ATG4A: variants seen among roughly 807,000 people sequenced by gnomAD.
ATG4A encodes cysteine protease ATG4A.
In ATG4A, 22 loss-of-function variants were observed where a neutral mutation model predicts 38.4. The ratio of observed to expected loss-of-function variants is 0.57; its 90% CI spans 0.41 to 0.82. The LOEUF (loss-of-function observed/expected upper bound fraction) is 0.82. ATG4A is among the 40% of genes least tolerant of loss of function. ATG4A has a pLI of 0.00. For missense variants in ATG4A, 220 were observed against 290.0 expected, an observed-to-expected ratio of 0.76 and a Z score of 1.75; for synonymous variants, 86 against 100.7, an observed-to-expected ratio of 0.85 and a Z score of 0.88.
chrX:108,097,947 G>A (rs2031878387), intron 1 of ATG4A, among the ~76,000 whole-genome samples: 1 of 112,044 alleles, frequency 8.9e-6, no homozygotes, highest in African/African-American at 3.2e-5. Flanking sequence ...TTAATCTGTG[G>A]CTCTAATTTT....
intron 9 of ATG4A, among the ~76,000 whole-genome samples, chrX:108,149,287 A>G (rs568419905): frequency 8.9e-6 from 1 of 112,633 alleles, no homozygotes; most frequent in African/African-American, 3.2e-5. Flanking sequence ...TCAGGCCCGG[A>G]CAGTGAGGCT....
At chrX:108,118,406 G>C (rs184817152) in intron 1 of ATG4A, among the ~76,000 whole-genome samples, 2 of 111,005 alleles carry the variant, frequency 1.8e-5, no homozygotes, top group East Asian at 5.7e-4. Context: ...TTTGAATCTT[G>C]ATTATACTGC....
chrX:108,126,983 G>A (rs191829542), intron 2 of ATG4A: 3,701 of 261,110 alleles, frequency 0.014, 34 homozygotes, highest in South Asian at 0.031. Context: ...GTTAGGCATT[G>A]TGGAGCTCCT....
chrX:108,091,877 G>A (rs746999596), intron 1 of ATG4A, 41 bp downstream of exon 1: 5 of 1,207,615 alleles, frequency 4.1e-6, no homozygotes, highest in African/African-American at 3.5e-5. Flanking sequence ...TGAAAGAGCC[G>A]GGGTGGGTAG....
intron 1 of ATG4A, among the ~76,000 whole-genome samples, chrX:108,092,482 A>T (rs1602597456): frequency 8.9e-6 from 1 of 112,471 alleles, no homozygotes; most frequent in Non-Finnish European, 1.9e-5. Flanking sequence ...TTATGCCACA[A>T]CTAGGTAACG....
At chrX:108,120,753 T>G (rs955821007) in intron 1 of ATG4A, among the ~76,000 whole-genome samples, 9 of 112,173 alleles carry the variant, frequency 8.0e-5, no homozygotes, top group African/African-American at 2.9e-4. Context: ...CTAACCAGAC[T>G]GGTTACTTTG....
intron 1 of ATG4A, among the ~76,000 whole-genome samples, chrX:108,104,873 T>C (rs933516051): frequency 2.7e-5 from 3 of 110,944 alleles, no homozygotes; most frequent in African/African-American, 9.8e-5. Context: ...TGTCTCTGAG[T>C]TCACCAATTC....
chrX:108,128,931 C>G, intron 3 of ATG4A, 79 bp downstream of exon 3: 2 of 654,706 alleles, frequency 3.1e-6, no homozygotes, highest in Non-Finnish European at 4.6e-6. Context: ...TCATAGAAAC[C>G]TCAGAATTAA....
intron 1 of ATG4A, among the ~76,000 whole-genome samples, chrX:108,122,987 C>T (rs989511376): frequency 1.8e-5 from 2 of 112,068 alleles, no homozygotes; most frequent in Non-Finnish European, 3.8e-5. Flanking sequence ...AAAGTGAAGA[C>T]AAAGGCAGAA....
At chrX:108,146,374 A>G (rs1038288593) in intron 9 of ATG4A, among the ~76,000 whole-genome samples, 1 of 111,757 alleles carries the variant, frequency 8.9e-6, no homozygotes, top group African/African-American at 3.3e-5. Flanking sequence ...AGAGCTCTAC[A>G]CGAGTCAGAC....
At chrX:108,149,358 G>C (rs5973820) in intron 9 of ATG4A, among the ~76,000 whole-genome samples, 55,681 of 111,658 alleles carry the variant, frequency 0.5, 10,724 homozygotes, top group African/African-American at 0.68. Flanking sequence ...TAGAGGGACT[G>C]TCAGCCCTTT....
chrX:108,126,915 C>T, intron 2 of ATG4A: 1 of 428,034 alleles, frequency 2.3e-6, no homozygotes, highest in Non-Finnish European at 3.9e-6. Flanking sequence ...TCTTCAGAGG[C>T]CCTCACTTAG....
upstream of ATG4A, chrX:108,091,769 C>G (rs2031630358): frequency 8.4e-7 from 1 of 1,194,836 alleles, no homozygotes; most frequent in African/African-American, 1.7e-5. Flanking sequence ...GGGATCCTAG[C>G]GACCGTCCGT....
chrX:108,098,010 G>A (rs777053274), intron 1 of ATG4A, among the ~76,000 whole-genome samples: 54 of 111,486 alleles, frequency 4.8e-4, no homozygotes, highest in Non-Finnish European at 8.1e-4. Context: ...TGTGCACAAC[G>A]TGCAGGTTTG....
chrX:108,147,316 T>G (rs2033448917), intron 9 of ATG4A, among the ~76,000 whole-genome samples: 1 of 111,502 alleles, frequency 9.0e-6, no homozygotes, highest in African/African-American at 3.3e-5. Context: ...GGGAAGCTGT[T>G]TCTTCTGGCA....
At chrX:108,144,257 G>A (rs1049856481) in intron 9 of ATG4A, among the ~76,000 whole-genome samples, 1 of 112,743 alleles carries the variant, frequency 8.9e-6, no homozygotes, top group Non-Finnish European at 1.9e-5. Context: ...TCCATGGATG[G>A]GAGTCTTGGC....
At chrX:108,112,552 C>T (rs2032390492) in intron 1 of ATG4A, among the ~76,000 whole-genome samples, 2 of 110,030 alleles carry the variant, frequency 1.8e-5, no homozygotes, top group South Asian at 7.9e-4. Flanking sequence ...GCACTACGCC[C>T]GGCTAATTTT....
intron 1 of ATG4A, among the ~76,000 whole-genome samples, chrX:108,108,717 T>A (rs2032264271): frequency 8.9e-6 from 1 of 111,850 alleles, no homozygotes; most frequent in Non-Finnish European, 1.9e-5. Context: ...AGAACTTTTT[T>A]ATCTTGGAAA....
At position 108,150,172 on chromosome X, in the gene ATG4A, G is replaced by A. The variant is rs750135185; in HGVS notation, c.835G>A (p.Asp279Asn). ...GFLGDELIFLDPHTTQTFVDT... is the reference protein window; with the variant it reads ...GFLGDELIFLNPHTTQTFVDT... ...AACAGGTGACGAGCTCATCTTCTTG[G>A]ACCCTCATACAACCCAGACCTTTGT... is the stretch of plus-strand genomic sequence containing the variant. Residue 279 changes from aspartate (D) to asparagine (N), a missense_variant, in exon 10 of 13, where the codon GAC becomes AAC. Asp to Asn is a conservative substitution (Grantham distance 23). Around this residue, in one of 3 missense-constraint regions of ATG4A, gnomAD observed 159 missense variants for 188.9 expected, o/e 0.84. Transcript: ENST00000372232. The A allele has an allele frequency of 9.1e-6, 11 of 1,209,967 alleles. No homozygotes were observed. Among genetic ancestry groups the A allele is most frequent in the Middle Eastern group, 2.3e-4 (1 of 4,374 alleles).
Sources: gnomAD v4.1 joint callset for allele counts (sites outside exome capture counted in the v4.1 genomes callset) on GRCh38, gnomAD v4.1.1 for gene constraint, gnomAD v4.1.1 regional missense constraint, MANE v1.5 for transcripts, NCBI Gene and HGNC (gene_info 2026-07-23, HGNC 2026-07-21) for gene names.